The following SGCZ variants were observed in gnomAD, a reference collection of about 807,000 sequenced individuals.
SGCZ encodes the protein sarcoglycan zeta.
A neutral mutation model predicts 41.3 loss-of-function variants in SGCZ; 40 were observed. That is an observed-to-expected ratio of 0.97 (90% CI 0.75 to 1.26). SGCZ has a LOEUF of 1.26. Among genes scored for constraint, SGCZ ranks in the 50% most tolerant of loss-of-function variants. The pLI is 0.00. For synonymous variants in SGCZ, 206 were observed against 137.5 expected, an observed-to-expected ratio of 1.50 and a Z score of -3.49; for missense variants, 552 against 369.8, an observed-to-expected ratio of 1.49 and a Z score of -4.04.
chr8:14,194,714 GTAAA>G (rs1805210770), intron 4 of SGCZ, among the ~76,000 whole-genome samples: 1 of 151,934 alleles, frequency 6.6e-6, no homozygotes, highest in Non-Finnish European at 1.5e-5. Flanking sequence ...TTGAACATCA[GTAAA>G]TGCAGCACAA....
At chr8:14,829,783 G>A (rs2130596123) in intron 1 of SGCZ, among the ~76,000 whole-genome samples, 1 of 152,016 alleles carries the variant, frequency 6.6e-6, no homozygotes, top group Admixed American at 6.6e-5. Flanking sequence ...AACTTGTAAA[G>A]ATTAAAAGTT....
intron 2 of SGCZ, among the ~76,000 whole-genome samples, chr8:14,378,280 G>C (rs1453088538): frequency 2.6e-5 from 4 of 151,998 alleles, no homozygotes; most frequent in Non-Finnish European, 5.9e-5. Context: ...CTGATGGCCA[G>C]TGATGGTGAG....
At chr8:14,254,757 T>G (rs531768026) in intron 3 of SGCZ, among the ~76,000 whole-genome samples, 1 of 150,936 alleles carries the variant, frequency 6.6e-6, no homozygotes, top group East Asian at 1.9e-4. Context: ...TCTTTTTTTT[T>G]CTGGAGGAGG....
chr8:14,184,407 A>G (rs887032175), intron 4 of SGCZ, among the ~76,000 whole-genome samples: 1 of 152,212 alleles, frequency 6.6e-6, no homozygotes, highest in Admixed American at 6.5e-5. Context: ...AATCCAGAGT[A>G]TTAATTATCA....
In SGCZ at chr8:14,498,093, G is replaced by A. The variant is rs150177893; in HGVS notation, c.234+56639C>T. Among the ~76,000 whole-genome samples, 829 of 152,138 alleles carry A rather than the reference G, an allele frequency of 5.4e-3. 25 individuals carry two copies. The highest frequency in any genetic ancestry group is 0.045 in the Admixed American group (687 of 15,260). On this transcript the variant is annotated intron_variant, in intron 2 of 7. Coordinates refer to ENST00000382080, the MANE Select transcript of SGCZ (RefSeq NM_139167.4). ...TGATATCATATTGGGATTTTGGGGG[G>A]CCCATTTTTCTAGTGAGTTTACTAT...
intron 1 of SGCZ, among the ~76,000 whole-genome samples, chr8:14,756,891 C>T (rs772733909): frequency 1.3e-5 from 2 of 152,110 alleles, no homozygotes; most frequent in Non-Finnish European, 2.9e-5. Flanking sequence ...GTAAGTATCA[C>T]ACTCTAACGA....
At position 14,486,050 on chromosome 8, in the gene SGCZ, T is replaced by A. The variant is rs1006826819; in HGVS notation, c.234+68682A>T. 9.2e-4 allele frequency among the ~76,000 whole-genome samples: 140 copies of A among 152,304 alleles called. 3 individuals are homozygous for A. The highest frequency in any genetic ancestry group is 2.4e-4 in the Non-Finnish European group (16 of 68,024). On this transcript the variant is annotated intron_variant, in intron 2 of 7. Coordinates refer to ENST00000382080, the MANE Select transcript of SGCZ (RefSeq NM_139167.4). ...TAGAGACGGGGTAGAACAATTTTTT[T>A]AGATCTACTGATACAATACAAAATA...
At chr8:14,575,980 A>G (rs1804699583) in intron 1 of SGCZ, among the ~76,000 whole-genome samples, 2 of 151,772 alleles carry the variant, frequency 1.3e-5, no homozygotes, top group African/African-American at 4.8e-5. Flanking sequence ...ATTTTTATAT[A>G]TTGACATTCA....
At chr8:15,162,962 G>A (rs2117044932) in intron 1 of SGCZ, among the ~76,000 whole-genome samples, 1 of 152,306 alleles carries the variant, frequency 6.6e-6, no homozygotes, top group East Asian at 1.9e-4. Context: ...GTAGGCAGCA[G>A]TAAATTTGCA....
chr8:14,824,012 T>C (rs1030798061), intron 1 of SGCZ, among the ~76,000 whole-genome samples: 9 of 150,312 alleles, frequency 6.0e-5, no homozygotes, highest in African/African-American at 1.7e-4. Context: ...GTATTGCTTA[T>C]ATATAGAATC....
At chr8:14,604,089 T>C (rs948681862) in intron 1 of SGCZ, among the ~76,000 whole-genome samples, 1 of 152,148 alleles carries the variant, frequency 6.6e-6, no homozygotes, top group African/African-American at 2.4e-5. Context: ...TGTGACTGTT[T>C]ATATAAAATA....
chr8:14,658,023 G>A (rs2083657), intron 1 of SGCZ, among the ~76,000 whole-genome samples: 2 of 152,030 alleles, frequency 1.3e-5, no homozygotes, highest in Admixed American at 6.5e-5. Context: ...AAACTACTGA[G>A]GATACATTTG....
At chr8:15,027,953 T>C (rs979819142) in intron 1 of SGCZ, among the ~76,000 whole-genome samples, 1 of 152,106 alleles carries the variant, frequency 6.6e-6, no homozygotes, top group East Asian at 1.9e-4. Flanking sequence ...TCTTCTCACC[T>C]TTATGTTAAG....
At chr8:14,582,950 A>C (rs1804940972) in intron 1 of SGCZ, among the ~76,000 whole-genome samples, 1 of 151,928 alleles carries the variant, frequency 6.6e-6, no homozygotes, top group African/African-American at 2.4e-5. Flanking sequence ...GCTATGGTGA[A>C]TAGTGCCGCA....
chr8:14,604,311 G>C (rs1177966580), intron 1 of SGCZ, among the ~76,000 whole-genome samples: 1 of 152,082 alleles, frequency 6.6e-6, no homozygotes, highest in Non-Finnish European at 1.5e-5. Flanking sequence ...TTCTTTCTTT[G>C]AGAGAAATTG....
chr8:15,155,128 A>C (rs1035338036), intron 1 of SGCZ, among the ~76,000 whole-genome samples: 1 of 152,032 alleles, frequency 6.6e-6, no homozygotes, highest in African/African-American at 2.4e-5. Context: ...ATGTATTTCT[A>C]CTAAAAATAC....
At chr8:14,708,061 C>G (rs896900636) in intron 1 of SGCZ, among the ~76,000 whole-genome samples, 5 of 151,816 alleles carry the variant, frequency 3.3e-5, no homozygotes, top group Non-Finnish European at 7.4e-5. Context: ...ACCCAAATGT[C>G]CAGATTTCTA....
At chr8:14,579,491 G>C (rs957969056) in intron 1 of SGCZ, among the ~76,000 whole-genome samples, 1 of 151,974 alleles carries the variant, frequency 6.6e-6, no homozygotes, top group African/African-American at 2.4e-5. Flanking sequence ...TATTTGCATC[G>C]ATAACTGAAT....
At chr8:14,688,829 G>A (rs541233676) in intron 1 of SGCZ, among the ~76,000 whole-genome samples, 1 of 152,120 alleles carries the variant, frequency 6.6e-6, no homozygotes, top group African/African-American at 2.4e-5. Flanking sequence ...AGCTGTCCCT[G>A]TTTGCAGACG....
Sources: allele counts gnomAD v4.1 joint callset (sites outside exome capture counted in the v4.1 genomes callset), GRCh38; gene constraint gnomAD v4.1.1; transcripts MANE v1.5; gene names NCBI Gene and HGNC (gene_info 2026-07-23, HGNC 2026-07-21).